Variants in NUP210 observed in about 807,000 individuals in gnomAD.
NUP210 encodes nucleoporin 210.
Under a neutral mutation model 196.0 loss-of-function variants are expected in NUP210, and 151 were observed. The observed-to-expected ratio is 0.77, with a 90% CI of 0.67 to 0.88. The LOEUF (loss-of-function observed/expected upper bound fraction) is 0.88. Among genes scored for constraint, NUP210 ranks in the 40% least tolerant of loss-of-function variants. The probability of loss-of-function intolerance (pLI) is 0.00; values close to 1 mark genes in which losing one functional copy is unlikely to be tolerated. For missense variants in NUP210, 2,314 were observed against 2,493.7 expected, an observed-to-expected ratio of 0.93 and a Z score of 1.53; for synonymous variants, 1,070 against 1,052.7, an observed-to-expected ratio of 1.02 and a Z score of -0.32.
chr3:13,412,893 C>T (rs1195018026), intron 1 of NUP210, among the ~76,000 whole-genome samples: 6 of 151,690 alleles, frequency 4.0e-5, no homozygotes, highest in African/African-American at 1.5e-4. Flanking sequence ...ATGGCGTGAA[C>T]CCAGGAGGCG....
chr3:13,347,355 TTCC>T lies in NUP210; in HGVS notation c.2836-4055_2836-4053del. 1.0e-6 allele frequency: 1 copy of T among 984,492 alleles called. No individual in the cohort carries two copies. Among genetic ancestry groups the T allele is most frequent in the South Asian group, 4.7e-5 (1 of 21,266 alleles). 61.0% of individuals were successfully genotyped at this position (984,492 alleles called of 1,614,324 possible). A position where few individuals can be genotyped will look rare whatever the true frequency, so the allele number is the denominator to read the frequency against. ...TCCCCTGCTCTGGTCATCTCATGGG[TTCC>T]GCCTAGAGGACTTGATTGAAATGTA... On this transcript the variant is annotated intron_variant, in intron 20 of 39. Transcript: ENST00000254508. This position sits in a 1 kb window ranked among gnomAD's most constrained non-coding sequence, Gnocchi z 4.7.
Position 13,391,194 on chromosome 3 carries a change from G to A in NUP210, c.533+17C>T, listed in dbSNP as rs371572733. The A allele has an allele frequency of 1.3e-4, 205 of 1,590,986 alleles. No homozygotes were observed. Among genetic ancestry groups the A allele is most frequent in the Non-Finnish European group, 1.6e-4 (183 of 1,161,852 alleles). ...CTTCCCTTCAAAGGGGCCAGGCCTA[G>A]CAGAGGCACCCCTTACCGCAGCGCA... On this transcript the variant is annotated intron_variant, in intron 4 of 39. Coordinates refer to ENST00000254508, the MANE Select transcript of NUP210 (RefSeq NM_024923.4).
intron 4 of NUP210, among the ~76,000 whole-genome samples, chr3:13,390,555 T>C (rs1050612636): frequency 6.6e-5 from 10 of 152,186 alleles, no homozygotes; most frequent in African/African-American, 9.7e-5. Flanking sequence ...ATTTTCTAAC[T>C]ACAAGTAAAT....
intron 4 of NUP210, among the ~76,000 whole-genome samples, chr3:13,389,966 G>A (rs1699433046): frequency 6.6e-6 from 1 of 152,112 alleles, no homozygotes. Context: ...CAAGCGTTGT[G>A]GTGTCCAAAG....
At position 13,347,574 on chromosome 3, in the gene NUP210, G is replaced by GCCCCAGAGAGCC. The variant is rs1697793502; in HGVS notation, c.2836-4283_2836-4272dup. 2.0e-5 allele frequency among the ~76,000 whole-genome samples: 3 copies of GCCCCAGAGAGCC among 152,212 alleles called. No individual in the cohort carries two copies. The highest frequency in any genetic ancestry group is 4.8e-5 in the African/African-American group (2 of 41,534). On this transcript the variant is annotated intron_variant, in intron 20 of 39. Coordinates refer to ENST00000254508, the MANE Select transcript of NUP210 (RefSeq NM_024923.4). The surrounding 1 kb of genome is among the most constrained non-coding windows in gnomAD (Gnocchi z 4.7). ...CCCCCACAGGACCCCTGCTGCGTGA[G>GCCCCAGAGAGCC]CCCCAGAGAGCCCCCCAGAGACACT...
intron 30 of NUP210, among the ~76,000 whole-genome samples, chr3:13,330,185 A>G (rs1696936971): frequency 6.6e-6 from 1 of 152,252 alleles, no homozygotes; most frequent in African/African-American, 2.4e-5. Flanking sequence ...TGCCAGTCCC[A>G]GCTCTGTAAC....
chr3:13,373,893 A>G lies in NUP210; in HGVS notation c.1432-20T>C. On this transcript the variant is annotated intron_variant, in intron 11 of 39. Coordinates refer to ENST00000254508, the MANE Select transcript of NUP210 (RefSeq NM_024923.4). ...GTGGGCCTGCGGAGGAAAAGCCATC[A>G]CAGGACCAGCCACCCACCCTTAGCC... The G allele has an allele frequency of 6.2e-7, 1 of 1,610,968 alleles. No homozygotes were observed. Among genetic ancestry groups the G allele is most frequent in the Non-Finnish European group, 8.5e-7 (1 of 1,178,548 alleles).
chr3:13,339,185 G>A (rs114473837), intron 25 of NUP210, among the ~76,000 whole-genome samples: 1 of 152,192 alleles, frequency 6.6e-6, no homozygotes, highest in Admixed American at 6.5e-5. Context: ...CTGAGAACAA[G>A]CATTTCCCTG....
chr3:13,319,013 C>A, intron 39 of NUP210, 59 bp downstream of exon 39: 1 of 1,499,014 alleles, frequency 6.7e-7, no homozygotes, highest in Non-Finnish European at 9.0e-7. Flanking sequence ...ACCCCTCCCC[C>A]AGGGCTCTTC....
At chr3:13,363,166 G>A (rs1194404184) in intron 14 of NUP210, among the ~76,000 whole-genome samples, 1 of 152,108 alleles carries the variant, frequency 6.6e-6, no homozygotes, top group Admixed American at 6.5e-5. Flanking sequence ...CTCAATCAAT[G>A]GCCCCTGCTG....
chr3:13,395,735 T>C (rs1411224589), intron 3 of NUP210, among the ~76,000 whole-genome samples: 1 of 152,220 alleles, frequency 6.6e-6, no homozygotes, highest in African/African-American at 2.4e-5. Context: ...CGGTTATGAA[T>C]AATGCTGTTA....
intron 1 of NUP210, among the ~76,000 whole-genome samples, chr3:13,414,611 C>G (rs1381666094): frequency 3.9e-5 from 6 of 152,218 alleles, no homozygotes; most frequent in Admixed American, 6.5e-5. Flanking sequence ...CCTCCCAGCC[C>G]TGCTGCCCTG....
chr3:13,370,048 C>T (rs1698676298), intron 13 of NUP210, among the ~76,000 whole-genome samples: 1 of 152,192 alleles, frequency 6.6e-6, no homozygotes, highest in Non-Finnish European at 1.5e-5. Context: ...GCTGAGTAAG[C>T]TCCAGGGTGG....
At chr3:13,394,482 GC>G (rs1699590816) in intron 3 of NUP210, among the ~76,000 whole-genome samples, 1 of 152,244 alleles carries the variant, frequency 6.6e-6, no homozygotes, top group Admixed American at 6.5e-5. Flanking sequence ...GGCCCCCAAT[GC>G]CCAGGAAAAT....
Position 13,350,912 on chromosome 3 carries a change from A to T in NUP210, c.2835+967T>A, listed in dbSNP as rs988222050. On this transcript the variant is annotated intron_variant, in intron 20 of 39. Transcript: ENST00000254508. The surrounding 1 kb of genome is among the most constrained non-coding windows in gnomAD (Gnocchi z 4.1). ...ACAGGGTTTCACCGTGTTAGCCAGG[A>T]TGGTCTCAATCTCCTGACCTTGTGA... 2.9e-4 allele frequency among the ~76,000 whole-genome samples: 44 copies of T among 151,554 alleles called. No homozygotes were observed. Among genetic ancestry groups the T allele is most frequent in the African/African-American group, 9.5e-4 (39 of 41,266 alleles).
Position 13,317,451 on chromosome 3 carries a change from CT to C in NUP210, c.*229del. On this transcript the variant is annotated 3_prime_UTR_variant, in exon 40 of 40. Coordinates refer to ENST00000254508, the MANE Select transcript of NUP210 (RefSeq NM_024923.4). ...AAAGGAATGAGCCAAAAAGTCTTAG[CT>C]TTGTAAGACTTGAAAGGAAAAAAAC... 3.6e-6 allele frequency: 2 copies of C among 549,978 alleles called. No homozygotes were observed. Among genetic ancestry groups the C allele is most frequent in the South Asian group, 4.2e-5 (2 of 48,082 alleles). 34.1% of individuals were successfully genotyped at this position (549,978 alleles called of 1,614,324 possible).
At chr3:13,376,229 T>C in intron 10 of NUP210, 62 bp downstream of exon 10, 1 of 1,587,396 alleles carries the variant, frequency 6.3e-7, no homozygotes, top group Non-Finnish European at 8.6e-7. Context: ...TGGGCTGACA[T>C]TTCTGCCTAC....
At chr3:13,363,534 C>T (rs898789988) in intron 14 of NUP210, among the ~76,000 whole-genome samples, 1 of 152,238 alleles carries the variant, frequency 6.6e-6, no homozygotes, top group African/African-American at 2.4e-5. Flanking sequence ...GCCAAGGAGA[C>T]AGGTTAACAA....
chr3:13,355,019 C>T (rs923901894), intron 16 of NUP210, among the ~76,000 whole-genome samples: 1 of 152,350 alleles, frequency 6.6e-6, no homozygotes, highest in East Asian at 1.9e-4. Flanking sequence ...TGTCTCTGAC[C>T]CCACAACTTG....
Sources: gnomAD v4.1 joint callset for allele counts (sites outside exome capture counted in the v4.1 genomes callset) on GRCh38, gnomAD v4.1.1 for gene constraint, Gnocchi (gnomAD v3.1) non-coding constraint, MANE v1.5 for transcripts, NCBI Gene and HGNC (gene_info 2026-07-23, HGNC 2026-07-21) for gene names.